Variants in CLDN14 observed in about 807,000 individuals in gnomAD.
CLDN14 encodes the protein claudin-14.
A neutral mutation model predicts 2.1 loss-of-function variants in CLDN14; 2 were observed. That is an observed-to-expected ratio of 0.96 (90% confidence interval 0.39 to 3.01). The LOEUF is 3.01. CLDN14 is among the 30% of genes most tolerant of loss of function. CLDN14 has a pLI of 0.09. For synonymous variants in CLDN14, 136 were observed against 154.4 expected (o/e 0.88, Z 0.88); for missense variants, 298 against 328.0 (o/e 0.91, Z 0.71).
At chr21:36,545,768 G>A (rs766674331) in intron 1 of CLDN14, among the ~76,000 whole-genome samples, 20 of 152,186 alleles carry the variant, frequency 1.3e-4, no homozygotes, top group Non-Finnish European at 2.1e-4. Flanking sequence ...ATTACAATGA[G>A]CAGTGTAGCT....
chr21:36,564,621 G>C (rs576119666), intron 1 of CLDN14, among the ~76,000 whole-genome samples: 4 of 152,304 alleles, frequency 2.6e-5, no homozygotes, highest in African/African-American at 4.8e-5. Context: ...GTATGGCTGT[G>C]GTTGTAAAAT....
chr21:36,526,696 A>G (rs1416892164), intron 1 of CLDN14, among the ~76,000 whole-genome samples: 2 of 152,200 alleles, frequency 1.3e-5, no homozygotes, highest in African/African-American at 4.8e-5. Context: ...CCACCAGGCA[A>G]CCACGGGCAC....
chr21:36,567,144 C>T (rs1480642549), intron 1 of CLDN14, among the ~76,000 whole-genome samples: 2 of 152,220 alleles, frequency 1.3e-5, no homozygotes, highest in Admixed American at 6.5e-5. Context: ...GACTCACCAA[C>T]TATTAGGCGG....
At chr21:36,465,732 C>G (rs564028567) in intron 1 of CLDN14, among the ~76,000 whole-genome samples, 2 of 152,232 alleles carry the variant, frequency 1.3e-5, no homozygotes. Context: ...CTGGTGTTCA[C>G]CTGTGGGCTA....
At chr21:36,553,168 C>T (rs1278908876) in intron 1 of CLDN14, among the ~76,000 whole-genome samples, 1 of 152,234 alleles carries the variant, frequency 6.6e-6, no homozygotes, top group Non-Finnish European at 1.5e-5. Context: ...AAGGTAGCTG[C>T]AGCCTCGAGG....
At chr21:36,574,973 A>C (rs1333024741) in intron 1 of CLDN14, among the ~76,000 whole-genome samples, 2 of 152,352 alleles carry the variant, frequency 1.3e-5, no homozygotes, top group Middle Eastern at 3.4e-3. Context: ...GATTTTAAGA[A>C]ACAAAATTGC....
chr21:36,533,908 G>A (rs1361908840), intron 1 of CLDN14, among the ~76,000 whole-genome samples: 2 of 152,098 alleles, frequency 1.3e-5, no homozygotes, highest in Non-Finnish European at 2.9e-5. Flanking sequence ...TTAATACCTG[G>A]GTGATGAAAT....
intron 1 of CLDN14, among the ~76,000 whole-genome samples, chr21:36,474,292 T>A (rs1470646070): frequency 6.6e-6 from 1 of 152,212 alleles, no homozygotes; most frequent in Non-Finnish European, 1.5e-5. Context: ...TGTGCCTTAA[T>A]CAGCAATAGA....
intron 1 of CLDN14, among the ~76,000 whole-genome samples, chr21:36,513,364 C>T (rs1015998006): frequency 6.6e-6 from 1 of 152,324 alleles, no homozygotes; most frequent in African/African-American, 2.4e-5. Context: ...ATCCTGGGGA[C>T]CAAGCCAAAC....
intron 1 of CLDN14, among the ~76,000 whole-genome samples, chr21:36,554,261 T>C (rs1302567455): frequency 6.6e-6 from 1 of 152,162 alleles, no homozygotes; most frequent in Non-Finnish European, 1.5e-5. Context: ...CCTCCTGCAG[T>C]AATTCCCACA....
chr21:36,503,874 A>C (rs1208220061), intron 2 of CLDN14, among the ~76,000 whole-genome samples: 2 of 152,048 alleles, frequency 1.3e-5, no homozygotes, highest in East Asian at 1.9e-4. Context: ...GTAGATGCTC[A>C]ATAAATATTA....
chr21:36,524,826 C>T lies in CLDN14; in HGVS notation c.-219-14326G>A, dbSNP rs76914324. On this transcript the variant is annotated intron_variant, in intron 1 of 2. Transcript: ENST00000342108. The stretch of plus-strand genomic sequence containing the variant: ...TGCCGGGCTGTGACTCACGGAGGGA[C>T]GGGCCCTGCACCCAGGTGACATCAG... Among the ~76,000 whole-genome samples the T allele has an allele frequency of 1.9e-4, 29 of 152,266 alleles. No individual in the cohort carries two copies. The South Asian group carries it at 3.3e-3, about 17-fold the overall frequency.
At chr21:36,505,651 T>A (rs1379410758) in intron 2 of CLDN14, among the ~76,000 whole-genome samples, 1 of 152,204 alleles carries the variant, frequency 6.6e-6, no homozygotes, top group African/African-American at 2.4e-5. Flanking sequence ...GCCTGCCCAA[T>A]GTAGACAATC....
At position 36,491,356 on chromosome 21, in the gene CLDN14, G is replaced by T. The variant is rs982974796; in HGVS notation, c.-82+19007C>A. Among the ~76,000 whole-genome samples, 3 of 152,242 alleles carry T rather than the reference G, an allele frequency of 2.0e-5. No individual in the cohort carries two copies. The South Asian group carries it at 6.2e-4, about 32-fold the overall frequency. On this transcript the variant is annotated intron_variant, in intron 2 of 2. Coordinates refer to the CLDN14 transcript ENST00000342108. ...CAGCTGGGCGCCTCTTCCATAAAGG[G>T]GTTACCAGAAAACAAGAAGCAACAC...
intron 1 of CLDN14, among the ~76,000 whole-genome samples, chr21:36,566,191 C>A (rs564623078): frequency 6.6e-6 from 1 of 152,220 alleles, no homozygotes; most frequent in African/African-American, 2.4e-5. Flanking sequence ...AATCTTAACA[C>A]ACATATAGGA....
At chr21:36,524,568 G>A (rs1027776308) in intron 1 of CLDN14, among the ~76,000 whole-genome samples, 13 of 152,334 alleles carry the variant, frequency 8.5e-5, no homozygotes, top group Admixed American at 8.5e-4. Flanking sequence ...TGAGCTCCAC[G>A]TGACCGTGCT....
At chr21:36,500,687 C>T (rs1371650107) in intron 2 of CLDN14, among the ~76,000 whole-genome samples, 1 of 152,242 alleles carries the variant, frequency 6.6e-6, no homozygotes, top group Non-Finnish European at 1.5e-5. Context: ...CCGCCTCGGC[C>T]TCCCAAAGTG....
chr21:36,532,968 C>T (rs1568872163), intron 1 of CLDN14, among the ~76,000 whole-genome samples: 3 of 152,200 alleles, frequency 2.0e-5, no homozygotes, highest in South Asian at 2.1e-4. Context: ...CTTTGAGTCA[C>T]GACACCCCTG....
intron 1 of CLDN14, among the ~76,000 whole-genome samples, chr21:36,550,949 T>A (rs1047524486): frequency 6.6e-6 from 1 of 152,142 alleles, no homozygotes; most frequent in Non-Finnish European, 1.5e-5. Context: ...TGGAGCAAGA[T>A]GGGCCCTACT....
Sources: gnomAD v4.1 joint callset for allele counts (sites outside exome capture counted in the v4.1 genomes callset) on GRCh38, gnomAD v4.1.1 for gene constraint, MANE v1.5 for transcripts, NCBI Gene and HGNC (gene_info 2026-07-23, HGNC 2026-07-21) for gene names.